DPP6: variants seen among roughly 807,000 people sequenced by gnomAD.
The protein encoded by DPP6 is A-type potassium channel modulatory protein DPP6.
In DPP6, 69 loss-of-function variants were observed where a neutral mutation model predicts 122.6. That is an observed-to-expected ratio of 0.56 (90% CI 0.46 to 0.69). DPP6 has a LOEUF of 0.69. Ranked by LOEUF, DPP6 falls within the 30% of genes least tolerant of loss-of-function variation. The pLI is 0.00. For synonymous variants in DPP6, 418 were observed against 433.1 expected (o/e 0.97, Z 0.43); for missense variants, 928 against 1,116.9 (o/e 0.83, Z 2.41).
intron 11 of DPP6, 49 bp from the exon 12 acceptor site, chr7:154,795,796 A>C: frequency 1.4e-6 from 1 of 705,560 alleles, no homozygotes; most frequent in Non-Finnish European, 1.7e-6. Flanking sequence ...AAAAAAAAAA[A>C]GAAAAGAAAA....
chr7:154,709,511 T>C (rs4960596), intron 7 of DPP6, among the ~76,000 whole-genome samples: 139,089 of 152,018 alleles, frequency 0.91, 64,072 homozygotes, highest in South Asian at 1. Context: ...GGAGCCACCA[T>C]GCTCAGCTCG....
At chr7:154,807,740 T>G (rs1351222975) in intron 16 of DPP6, among the ~76,000 whole-genome samples, 1 of 152,108 alleles carries the variant, frequency 6.6e-6, no homozygotes, top group Non-Finnish European at 1.5e-5. Context: ...AAGAATTGCT[T>G]GAACCCAGGA....
chr7:153,785,531 G>A, the DPP6 span, among the ~76,000 whole-genome samples: 5 of 151,556 alleles, frequency 3.3e-5, no homozygotes, highest in Admixed American at 1.3e-4. Context: ...TCATTTTTCC[G>A]AATTTACTAT....
intron 1 of DPP6, among the ~76,000 whole-genome samples, chr7:153,940,389 T>G (rs1454975995): frequency 6.6e-6 from 1 of 152,126 alleles, no homozygotes; most frequent in Non-Finnish European, 1.5e-5. Context: ...TGAAGTCAAG[T>G]GCAGAGTCAC....
intron 1 of DPP6, among the ~76,000 whole-genome samples, chr7:153,916,387 C>CCCTCCCCTCTCCTCCCCTCCTCTCT (rs1800319903): frequency 7.3e-6 from 1 of 136,190 alleles, no homozygotes; most frequent in Admixed American, 7.4e-5. Flanking sequence ...CCCTCTCCTC[C>CCCTCCCCTCTCCTCCCCTCCTCTCT]CCTCCCCTCT....
intron 1 of DPP6, among the ~76,000 whole-genome samples, chr7:154,007,351 G>C (rs1385789108): frequency 2.6e-5 from 4 of 152,110 alleles, no homozygotes; most frequent in Admixed American, 6.5e-5. Context: ...TTCAAAGTTT[G>C]TTGTTCTTGA....
chr7:154,490,190 A>G (rs1824152912), intron 3 of DPP6, among the ~76,000 whole-genome samples: 1 of 152,254 alleles, frequency 6.6e-6, no homozygotes, highest in Non-Finnish European at 1.5e-5. Context: ...TCCAGTGGAA[A>G]GTTATGTTCA....
intron 10 of DPP6, among the ~76,000 whole-genome samples, chr7:154,784,185 ACAG>A (rs1241443126): frequency 6.6e-6 from 1 of 152,068 alleles, no homozygotes. Context: ...CCAAGCTTCG[ACAG>A]CAGCCTCTGG....
intron 16 of DPP6, among the ~76,000 whole-genome samples, chr7:154,813,273 C>G (rs189348385): frequency 6.6e-6 from 1 of 151,742 alleles, no homozygotes; most frequent in Admixed American, 6.6e-5. Flanking sequence ...TTATTAGAGA[C>G]GGGTTTTCAC....
At chr7:154,277,673 G>C (rs1197517873) in intron 1 of DPP6, among the ~76,000 whole-genome samples, 3 of 152,210 alleles carry the variant, frequency 2.0e-5, no homozygotes, top group East Asian at 3.9e-4. Context: ...GCTGAGGCAG[G>C]AGAATTGCTT....
chr7:154,610,564 A>G (rs1417888365), intron 5 of DPP6, among the ~76,000 whole-genome samples: 1 of 152,194 alleles, frequency 6.6e-6, no homozygotes, highest in Non-Finnish European at 1.5e-5. Flanking sequence ...TGAGTTCTGC[A>G]ATGGCATATT....
At chr7:154,468,819 T>G (rs1032293569) in intron 2 of DPP6, among the ~76,000 whole-genome samples, 2 of 152,238 alleles carry the variant, frequency 1.3e-5, no homozygotes, top group Non-Finnish European at 2.9e-5. Context: ...ACTAGTTTTC[T>G]TAGACTATTT....
At chr7:153,918,572 C>CACACAG (rs1563006204) in intron 1 of DPP6, among the ~76,000 whole-genome samples, 3 of 41,126 alleles carry the variant, frequency 7.3e-5, no homozygotes, top group Non-Finnish European at 9.0e-5. Flanking sequence ...CACAGTCTCT[C>CACACAG]TCTCTCTCTC....
chr7:154,367,804 T>C (rs1812308189), intron 1 of DPP6, among the ~76,000 whole-genome samples: 1 of 152,074 alleles, frequency 6.6e-6, no homozygotes, highest in Admixed American at 6.5e-5. Flanking sequence ...AAATTTATTA[T>C]TGATTGATTG....
the DPP6 span, among the ~76,000 whole-genome samples, chr7:153,829,178 C>G: frequency 2.3e-3 from 343 of 152,230 alleles, no homozygotes; most frequent in Non-Finnish European, 4.0e-3. Context: ...TTCCTGGGGC[C>G]ATGTTTTGGC....
At chr7:154,346,465 C>T (rs1241105164) in intron 1 of DPP6, among the ~76,000 whole-genome samples, 1 of 152,148 alleles carries the variant, frequency 6.6e-6, no homozygotes, top group Non-Finnish European at 1.5e-5. Context: ...CACCACCATG[C>T]CCGTCTAATT....
chr7:154,129,899 CAAAAAA>C (rs753343107), intron 1 of DPP6, among the ~76,000 whole-genome samples: 3 of 108,340 alleles, frequency 2.8e-5, no homozygotes, highest in Non-Finnish European at 5.8e-5. Context: ...GACTCTGTCT[CAAAAAA>C]AAAAAAAGAA....
intron 1 of DPP6, among the ~76,000 whole-genome samples, chr7:153,892,976 C>T (rs1799269208): frequency 6.6e-6 from 1 of 152,128 alleles, no homozygotes; most frequent in Non-Finnish European, 1.5e-5. Flanking sequence ...AGTAGCTAGG[C>T]ATGGGTCTGT....
intron 7 of DPP6, among the ~76,000 whole-genome samples, chr7:154,679,984 T>G (rs1839184493): frequency 6.6e-6 from 1 of 151,880 alleles, no homozygotes; most frequent in Admixed American, 6.6e-5. Flanking sequence ...ATAAGCTGAG[T>G]TTTTGGTAAT....
Sources: gnomAD v4.1 joint callset for allele counts (sites outside exome capture counted in the v4.1 genomes callset) on GRCh38, gnomAD v4.1.1 for gene constraint, MANE v1.5 for transcripts, NCBI Gene and HGNC (gene_info 2026-07-23, HGNC 2026-07-21) for gene names.